Variants in DPY19L2 observed in about 807,000 individuals in gnomAD.
DPY19L2 encodes probable C-mannosyltransferase DPY19L2.
DPY19L2 carries 34 observed loss-of-function variants against 97.9 expected under a neutral mutation model. The ratio of observed to expected loss-of-function variants is 0.35; its 90% CI spans 0.26 to 0.46. The LOEUF is 0.46. Among genes scored for constraint, DPY19L2 ranks in the 20% least tolerant of loss-of-function variants. DPY19L2 has a pLI of 1.00. For synonymous variants in DPY19L2, 230 were observed against 307.9 expected (o/e 0.75, Z 2.65); for missense variants, 623 against 911.4 (o/e 0.68, Z 4.07).
intron 21 of DPY19L2, among the ~76,000 whole-genome samples, chr12:63,566,829 G>T (rs896164597): frequency 3.3e-5 from 5 of 151,102 alleles, no homozygotes; most frequent in African/African-American, 9.7e-5. Flanking sequence ...TGGGTCTTAG[G>T]TTAGTTATAT....
At chr12:63,617,189 T>A (rs1887982722) in intron 11 of DPY19L2, 115 bp downstream of exon 11, 1 of 624,112 alleles carries the variant, frequency 1.6e-6, no homozygotes, top group Non-Finnish European at 2.8e-6. Context: ...AAGAATTTTG[T>A]CATGTTGAGT....
chr12:63,649,309 G>C (rs1893858761), intron 4 of DPY19L2, among the ~76,000 whole-genome samples: 2 of 152,020 alleles, frequency 1.3e-5, no homozygotes, highest in African/African-American at 4.8e-5. Context: ...TCTAGCAGAA[G>C]ACAAGAAATA....
chr12:63,562,798 C>CTTTTTCTT (rs766034336), intron 21 of DPY19L2, among the ~76,000 whole-genome samples: 3 of 139,620 alleles, frequency 2.1e-5, no homozygotes, highest in Non-Finnish European at 4.6e-5. Context: ...TCCTTTTGTC[C>CTTTTTCTT]TTTTTTTTTT....
In DPY19L2 at chr12:63,665,880, A is replaced by G. The variant is rs756690712; in HGVS notation, c.338-21T>C. On this transcript the variant is annotated intron_variant, in intron 1 of 21. Transcript: ENST00000324472. ...GACAGCTGGAATAAAGAAAAAAAGG[A>G]AAGTCATTAATAGCTGCTTTATTAT... 4.4e-6 allele frequency: 7 copies of G among 1,576,044 alleles called. No homozygotes were observed. In the Admixed American group the frequency reaches 7.0e-5, roughly 16 times the overall value.
At chr12:63,636,784 G>T (rs1440755418) in intron 6 of DPY19L2, among the ~76,000 whole-genome samples, 4 of 152,076 alleles carry the variant, frequency 2.6e-5, no homozygotes, top group Non-Finnish European at 5.9e-5. Context: ...GATTCATAAA[G>T]CAAGCCCTTA....
intron 19 of DPY19L2, 144 bp from the exon 20 acceptor site, chr12:63,571,001 T>C: frequency 2.6e-6 from 2 of 764,438 alleles, no homozygotes; most frequent in East Asian, 6.0e-5. Context: ...ATTGACTCAA[T>C]AGTTATTCAT....
At chr12:63,655,553 G>A (rs1337528243) in intron 4 of DPY19L2, among the ~76,000 whole-genome samples, 2 of 152,110 alleles carry the variant, frequency 1.3e-5, no homozygotes. Flanking sequence ...AAGGGGGACA[G>A]GAGGTTTGGG....
At chr12:63,639,070 C>G (rs1245791876) in intron 6 of DPY19L2, among the ~76,000 whole-genome samples, 1 of 152,102 alleles carries the variant, frequency 6.6e-6, no homozygotes, top group African/African-American at 2.4e-5. Flanking sequence ...ACCATCTGAT[C>G]TTTGACAAAC....
intron 16 of DPY19L2, among the ~76,000 whole-genome samples, chr12:63,590,443 C>T (rs1245897886): frequency 2.0e-5 from 3 of 152,070 alleles, no homozygotes; most frequent in South Asian, 2.1e-4. Context: ...CCAAGATACA[C>T]GAACCAGGAT....
chr12:63,617,231 A>G (rs752848485), intron 11 of DPY19L2, 73 bp downstream of exon 11: 7 of 875,294 alleles, frequency 8.0e-6, no homozygotes, highest in African/African-American at 3.4e-5. Flanking sequence ...TTATTCTCTT[A>G]TACCTGTTTT....
intron 12 of DPY19L2, among the ~76,000 whole-genome samples, chr12:63,602,390 A>G (rs751876935): frequency 5.9e-5 from 9 of 152,162 alleles, no homozygotes; most frequent in Non-Finnish European, 1.2e-4. Context: ...AGATGTGGGA[A>G]GTATCAGAGA....
At position 63,580,712 on chromosome 12, in the gene DPY19L2, T is replaced by C; in HGVS notation, c.1850A>G (p.Asn617Ser). 2 of 1,613,452 alleles carry C rather than the reference T, an allele frequency of 1.2e-6. No individual in the cohort carries two copies. Among genetic ancestry groups the C allele is most frequent in the Admixed American group, 1.7e-5 (1 of 59,970 alleles). Residue 617 changes from asparagine to serine, a missense_variant, in exon 19 of 22, where the codon AAT becomes AGT. Physicochemically the swap from Asn to Ser is conservative, Grantham distance 46. Around this residue, in one of 6 missense-constraint regions of DPY19L2, gnomAD observed 294 missense variants for 446.2 expected, o/e 0.66. Coordinates refer to ENST00000324472, the MANE Select transcript of DPY19L2 (RefSeq NM_173812.5). The part of the protein sequence containing the change: ...NQWSIIGEFN[N>S]LPQEELLQWI... The stretch of plus-strand genomic sequence containing the variant: ...CTGTAAAAGTTCTTCCTGAGGCAAA[T>C]TATTAAATTCTCCTATTATGCTCCA...
chr12:63,611,815 G>A (rs1887053221), intron 11 of DPY19L2, among the ~76,000 whole-genome samples: 2 of 152,028 alleles, frequency 1.3e-5, no homozygotes, highest in Non-Finnish European at 2.9e-5. Flanking sequence ...TGTAGTGAGA[G>A]TCCCTAAATG....
chr12:63,583,615 C>A (rs984008402), intron 17 of DPY19L2, among the ~76,000 whole-genome samples, 197 bp downstream of exon 17: 1 of 152,182 alleles, frequency 6.6e-6, no homozygotes, highest in Admixed American at 6.5e-5. Flanking sequence ...ATAAATCAGC[C>A]TTCTAGCTTT....
intron 20 of DPY19L2, among the ~76,000 whole-genome samples, chr12:63,570,178 T>C (rs1189235581): frequency 6.6e-6 from 1 of 152,162 alleles, no homozygotes; most frequent in Non-Finnish European, 1.5e-5. Context: ...AAAATAATTT[T>C]TTAAACCAGC....
At chr12:63,639,463 T>C (rs898127214) in intron 6 of DPY19L2, among the ~76,000 whole-genome samples, 4 of 152,088 alleles carry the variant, frequency 2.6e-5, no homozygotes, top group African/African-American at 9.7e-5. Context: ...GACAAAGGGC[T>C]AATATCCAGA....
At chr12:63,611,555 A>T (rs1190680417) in intron 11 of DPY19L2, among the ~76,000 whole-genome samples, 3 of 151,856 alleles carry the variant, frequency 2.0e-5, no homozygotes, top group Non-Finnish European at 2.9e-5. Flanking sequence ...AAGTGGTAAC[A>T]GAGAAAGAAC....
chr12:63,583,963 T>C (rs1398103078), intron 16 of DPY19L2, 127 bp from the exon 17 acceptor site: 2 of 651,012 alleles, frequency 3.1e-6, no homozygotes, highest in African/African-American at 3.7e-5. Context: ...CTTACGAAAA[T>C]ACATAAAAAT....
intron 16 of DPY19L2, among the ~76,000 whole-genome samples, chr12:63,584,995 C>A (rs1050893863): frequency 6.6e-6 from 1 of 152,126 alleles, no homozygotes; most frequent in African/African-American, 2.4e-5. Flanking sequence ...GGCATTAAAT[C>A]TGTGGGTGGA....
Sources: allele counts gnomAD v4.1 joint callset (sites outside exome capture counted in the v4.1 genomes callset), GRCh38; gene constraint gnomAD v4.1.1; regional missense constraint gnomAD v4.1.1; transcripts MANE v1.5; gene names NCBI Gene and HGNC (gene_info 2026-07-23, HGNC 2026-07-21).